TRPC4: variants seen among roughly 807,000 people sequenced by gnomAD.
TRPC4 encodes short transient receptor potential channel 4.
Under a neutral mutation model 99.4 loss-of-function variants are expected in TRPC4, and 49 were observed. The observed-to-expected ratio is 0.49, with a 90% CI of 0.39 to 0.63. TRPC4 has a LOEUF of 0.63. TRPC4 is among the 20% of genes least tolerant of loss of function. The pLI is 0.00. For synonymous variants in TRPC4, 454 were observed against 425.9 expected, an observed-to-expected ratio of 1.07 and a Z score of -0.81; for missense variants, 898 against 1,152.9, an observed-to-expected ratio of 0.78 and a Z score of 3.20.
chr13:37,857,038 C>T (rs774060249), intron 1 of TRPC4, among the ~76,000 whole-genome samples: 7 of 150,930 alleles, frequency 4.6e-5, no homozygotes, highest in Non-Finnish European at 1.0e-4. Context: ...CTAAAGATTC[C>T]ACCATAAAAC....
At chr13:37,669,992 G>C (rs1439211065) in intron 5 of TRPC4, among the ~76,000 whole-genome samples, 2 of 152,068 alleles carry the variant, frequency 1.3e-5, no homozygotes, top group Non-Finnish European at 2.9e-5. Flanking sequence ...ATGAGGGTGG[G>C]CTTTCATGAT....
chr13:37,633,115 A>G lies in TRPC4; in HGVS notation c.*3788T>C, dbSNP rs1339361688. The stretch of plus-strand genomic sequence containing the variant: ...TTATTTAACATGATTCTAAAATTCA[A>G]ATTAAAAAAGGCATGTGATAACACT... On this transcript the variant is annotated 3_prime_UTR_variant, in exon 11 of 11. Coordinates refer to ENST00000379705, the MANE Select transcript of TRPC4 (RefSeq NM_016179.4). Among the ~76,000 whole-genome samples the G allele has an allele frequency of 6.6e-6, 1 of 152,198 alleles. No individual in the cohort carries two copies. Among genetic ancestry groups the G allele is most frequent in the African/African-American group, 2.4e-5 (1 of 41,462 alleles).
rs768932261 is a variant in TRPC4, at chr13:37,783,010, G to A, written c.324C>T (p.Val108=). ...TCAATAACAGCTCAACAGCTCCGAC[G>A]ACTTCTTTTCTGATAGCATGTAATA... ...DALLHAIRKE[V]VGAVELLLNH... Residue 108 remains valine (V), a synonymous_variant, in exon 2 of 11, where the codon GTC becomes GTT. Coordinates refer to ENST00000379705, the MANE Select transcript of TRPC4 (RefSeq NM_016179.4). 8.7e-6 allele frequency: 14 copies of A among 1,605,900 alleles called. No individual in the cohort carries two copies. The highest frequency in any genetic ancestry group is 7.8e-5 in the South Asian group (7 of 89,768).
At chr13:37,698,728 C>A (rs1171787832) in intron 3 of TRPC4, among the ~76,000 whole-genome samples, 2 of 152,078 alleles carry the variant, frequency 1.3e-5, no homozygotes, top group African/African-American at 4.8e-5. Context: ...AACTCTTGTG[C>A]AAGTGGAAAA....
intron 2 of TRPC4, among the ~76,000 whole-genome samples, chr13:37,774,819 G>C (rs1956654062): frequency 6.6e-6 from 1 of 151,736 alleles, no homozygotes; most frequent in Non-Finnish European, 1.5e-5. Flanking sequence ...CAGGCAGAAA[G>C]AAAGGGTATG....
chr13:37,647,909 A>C (rs551168230), intron 8 of TRPC4, among the ~76,000 whole-genome samples: 4 of 152,264 alleles, frequency 2.6e-5, no homozygotes, highest in African/African-American at 7.2e-5. Flanking sequence ...TAATACAACC[A>C]TCTTAATTTA....
At chr13:37,869,475 T>C (rs371681769) in intron 1 of TRPC4, 120 bp downstream of exon 1, 4 of 152,322 alleles carry the variant, frequency 2.6e-5, no homozygotes, top group South Asian at 4.1e-4. Context: ...CCCGCAGGGA[T>C]GTCCGCCTCC....
At chr13:37,802,828 C>T (rs1416500578) in intron 1 of TRPC4, among the ~76,000 whole-genome samples, 5 of 152,046 alleles carry the variant, frequency 3.3e-5, no homozygotes, top group Admixed American at 3.3e-4. Context: ...TACAGTTTTG[C>T]CCACTGATTT....
At chr13:37,713,707 C>G (rs1184502770) in intron 3 of TRPC4, among the ~76,000 whole-genome samples, 3 of 152,202 alleles carry the variant, frequency 2.0e-5, no homozygotes, top group Admixed American at 1.3e-4. Context: ...AGGTGGACTC[C>G]CACCTCCCTC....
intron 1 of TRPC4, among the ~76,000 whole-genome samples, chr13:37,856,595 C>T (rs1959176450): frequency 6.6e-6 from 1 of 151,160 alleles, no homozygotes; most frequent in South Asian, 2.1e-4. Flanking sequence ...AAACTGCAGG[C>T]CAATATCTCT....
rs968183574 is a variant in TRPC4 at position 37,632,893 on chromosome 13, T to C, written c.*4010A>G. Among the ~76,000 whole-genome samples the C allele has an allele frequency of 6.6e-6, 1 of 152,202 alleles. No homozygotes were observed. Among genetic ancestry groups the C allele is most frequent in the Admixed American group, 6.5e-5 (1 of 15,270 alleles). ...TGAATGTTTGGACAACTATATTTTC[T>C]ACAAGGGCAAAGAAGACAAAATGTT... is the stretch of plus-strand genomic sequence containing the variant. On this transcript the variant is annotated 3_prime_UTR_variant, in exon 11 of 11. Coordinates refer to ENST00000379705, the MANE Select transcript of TRPC4 (RefSeq NM_016179.4).
chr13:37,844,428 G>A (rs996332037), intron 1 of TRPC4, among the ~76,000 whole-genome samples: 4 of 152,118 alleles, frequency 2.6e-5, no homozygotes, highest in Non-Finnish European at 5.9e-5. Flanking sequence ...CCAAGTAGCT[G>A]GGATTACAGG....
In TRPC4 at chr13:37,682,739, T is replaced by A. The variant is rs939237124; in HGVS notation, c.1235-8372A>T. On this transcript the variant is annotated intron_variant, in intron 4 of 10. Coordinates refer to ENST00000379705, the MANE Select transcript of TRPC4 (RefSeq NM_016179.4). ...GAGGTCAGGGAGTGCAAGGTTTCTG[T>A]TTTGTTTTTGTCGTTGTTGTTATTT... is the stretch of plus-strand genomic sequence containing the variant. 2.0e-5 allele frequency among the ~76,000 whole-genome samples: 3 copies of A among 151,898 alleles called. No individual in the cohort carries two copies. The South Asian group carries it at 6.2e-4, about 32-fold the overall frequency.
intron 3 of TRPC4, among the ~76,000 whole-genome samples, chr13:37,743,305 T>A (rs773326117): frequency 2.0e-5 from 3 of 152,148 alleles, no homozygotes; most frequent in Non-Finnish European, 4.4e-5. Flanking sequence ...CTTCCATAAC[T>A]TCATATTAGC....
chr13:37,804,173 C>T (rs1027179473), intron 1 of TRPC4, among the ~76,000 whole-genome samples: 23 of 152,188 alleles, frequency 1.5e-4, no homozygotes, highest in African/African-American at 4.1e-4. Flanking sequence ...GAAGGATCAG[C>T]GTAATGAAAG....
intron 1 of TRPC4, among the ~76,000 whole-genome samples, chr13:37,821,190 CCACACACACACACACACACACA>C (rs3086254): frequency 7.4e-6 from 1 of 135,938 alleles, no homozygotes; most frequent in Non-Finnish European, 1.6e-5. Flanking sequence ...TTCACAATAG[CCACACACACACACACACACACA>C]CACACACACA....
intron 2 of TRPC4, among the ~76,000 whole-genome samples, chr13:37,774,927 T>C (rs1232593942): frequency 6.6e-6 from 1 of 150,446 alleles, no homozygotes; most frequent in African/African-American, 2.4e-5. Flanking sequence ...AGTGTTTATA[T>C]GACTTACTAT....
intron 1 of TRPC4, among the ~76,000 whole-genome samples, chr13:37,825,428 C>G (rs1248647033): frequency 6.6e-6 from 1 of 152,004 alleles, no homozygotes. Context: ...AAATTTCCCT[C>G]TACACACTGC....
In TRPC4 at chr13:37,637,306, T is replaced by G; in HGVS notation, c.2531A>C (p.Asn844Thr). Reference sequence around the variant, plus strand: ...TGATCGTCTATGAAATAACCCAAAGTTTTTGATATCGGTCACAAAATTCAC... The same window carrying G: ...TGATCGTCTATGAAATAACCCAAAGGTTTTGATATCGGTCACAAAATTCAC... The part of the protein sequence containing the change: ...RKVNFVTDIK[N>T]FGLFHRRSKQ... The change falls in exon 11 of 11, where the codon AAC (asparagine) becomes ACC (threonine). Residue 844 changes from asparagine (N) to threonine (T), a missense_variant. Around this residue, in one of 3 missense-constraint regions of TRPC4, gnomAD observed 346 missense variants for 351.4 expected, o/e 0.98. Transcript: ENST00000379705. 1.2e-6 allele frequency: 2 copies of G among 1,613,826 alleles called. No individual in the cohort carries two copies. The highest frequency in any genetic ancestry group is 1.7e-6 in the Non-Finnish European group (2 of 1,179,846).
Sources: allele counts gnomAD v4.1 joint callset (sites outside exome capture counted in the v4.1 genomes callset), GRCh38; gene constraint gnomAD v4.1.1; regional missense constraint gnomAD v4.1.1; transcripts MANE v1.5; gene names NCBI Gene and HGNC (gene_info 2026-07-23, HGNC 2026-07-21).